Variants in TM2D1 observed in about 807,000 individuals in gnomAD.
TM2D1 encodes TM2 domain-containing protein 1.
A neutral mutation model predicts 28.4 loss-of-function variants in TM2D1; 15 were observed. That is an observed-to-expected ratio of 0.53 (90% CI 0.35 to 0.81). The LOEUF is 0.81. TM2D1 is among the 40% of genes least tolerant of loss of function. The pLI is 0.01. For missense variants in TM2D1, 236 were observed against 254.9 expected (o/e 0.93, Z 0.50); for synonymous variants, 93 against 96.2 (o/e 0.97, Z 0.20).
intron 6 of TM2D1, among the ~76,000 whole-genome samples, chr1:61,681,927 T>C (rs1644247924): frequency 6.6e-6 from 1 of 152,198 alleles, no homozygotes; most frequent in African/African-American, 2.4e-5. Flanking sequence ...ATTTTTTTCC[T>C]GGTAAGAAGA....
intron 3 of TM2D1, among the ~76,000 whole-genome samples, chr1:61,702,181 C>T (rs1008515346): frequency 2.0e-5 from 3 of 151,656 alleles, no homozygotes; most frequent in African/African-American, 7.3e-5. Flanking sequence ...CAGAGTGAGA[C>T]TCTGTCTCAA....
intron 4 of TM2D1, chr1:61,698,910 A>G (rs753689503): frequency 6.6e-6 from 1 of 152,192 alleles, no homozygotes; most frequent in African/African-American, 2.4e-5. Flanking sequence ...GATTTTGTCT[A>G]TAACTACTTT....
At chr1:61,708,816 A>G (rs1255802242) in intron 3 of TM2D1, among the ~76,000 whole-genome samples, 1 of 151,914 alleles carries the variant, frequency 6.6e-6, no homozygotes, top group Non-Finnish European at 1.5e-5. Context: ...TGTCCCACAT[A>G]CTGGACTACT....
chr1:61,716,212 G>T, intron 2 of TM2D1, among the ~76,000 whole-genome samples: 1 of 150,954 alleles, frequency 6.6e-6, no homozygotes, highest in Admixed American at 6.6e-5. Flanking sequence ...CTAGCTACTC[G>T]GGAAGCTGAG....
At chr1:61,706,203 TTTTTC>T (rs1341350896) in intron 3 of TM2D1, among the ~76,000 whole-genome samples, 2 of 152,162 alleles carry the variant, frequency 1.3e-5, no homozygotes, top group Non-Finnish European at 2.9e-5. Flanking sequence ...ATGCTCATTC[TTTTTC>T]TTTTATTTGT....
chr1:61,720,684 T>C (rs930047450), intron 2 of TM2D1, among the ~76,000 whole-genome samples: 1 of 152,304 alleles, frequency 6.6e-6, no homozygotes, highest in Non-Finnish European at 1.5e-5. Flanking sequence ...CAATATTTTG[T>C]AATATAAATT....
At chr1:61,710,883 C>G (rs72925676) in intron 2 of TM2D1, among the ~76,000 whole-genome samples, 2 of 152,152 alleles carry the variant, frequency 1.3e-5, no homozygotes, top group African/African-American at 2.4e-5. Flanking sequence ...CAAACAAACC[C>G]TATAATGACT....
At chr1:61,691,934 T>A (rs2787460) in intron 5 of TM2D1, among the ~76,000 whole-genome samples, 28,813 of 65,904 alleles carry the variant, frequency 0.44, 4,803 homozygotes, top group East Asian at 0.61. Flanking sequence ...AAAAAAAAAA[T>A]ATATATATAT....
chr1:61,690,475 A>C (rs1414912853), intron 5 of TM2D1, among the ~76,000 whole-genome samples: 5 of 151,194 alleles, frequency 3.3e-5, no homozygotes, highest in South Asian at 2.1e-4. Flanking sequence ...AAAAAAAAAA[A>C]AAAAAACACA....
At chr1:61,705,102 A>G (rs1009477017) in intron 3 of TM2D1, among the ~76,000 whole-genome samples, 2 of 152,206 alleles carry the variant, frequency 1.3e-5, no homozygotes, top group South Asian at 4.1e-4. Flanking sequence ...TTGGCTGGGA[A>G]GGGAAATGAA....
chr1:61,714,457 C>T (rs923466206), intron 2 of TM2D1, among the ~76,000 whole-genome samples: 1 of 152,050 alleles, frequency 6.6e-6, no homozygotes. Context: ...AGGAAAATTG[C>T]TTGGACCCGG....
chr1:61,691,932 A>AAAAAAAAAAAATATATATATATAT, intron 5 of TM2D1, among the ~76,000 whole-genome samples: 3 of 76,400 alleles, frequency 3.9e-5, no homozygotes, highest in East Asian at 4.7e-4. Context: ...AAAAAAAAAA[A>AAAAAAAAAAAATATATATATATAT]ATATATATAT....
At chr1:61,712,765 T>C (rs749977579) in intron 2 of TM2D1, among the ~76,000 whole-genome samples, 4 of 152,178 alleles carry the variant, frequency 2.6e-5, no homozygotes, top group Non-Finnish European at 5.9e-5. Flanking sequence ...CTCTTCAAAG[T>C]GGACTCTAAA....
intron 2 of TM2D1, among the ~76,000 whole-genome samples, chr1:61,722,147 G>A (rs1316946911): frequency 1.3e-5 from 2 of 151,728 alleles, no homozygotes; most frequent in Non-Finnish European, 2.9e-5. Flanking sequence ...TTAGCTGGGC[G>A]TGGTGACGCA....
Position 61,724,980 on chromosome 1 carries a change from C to G in TM2D1, c.141G>C (p.Lys47Asn). ...ATTGTCCCACTTTGAGGTCCTCGCA[C>G]TTAAGCGACTCCTCGCCCCCGGCGG... Reference protein sequence around the residue: ...ATSAGGEESLKCEDLKVGQYI... With the variant: ...ATSAGGEESLNCEDLKVGQYI... The change falls in exon 1 of 7, where the codon AAG (lysine) becomes AAC (asparagine). Residue 47 changes from lysine to asparagine, a missense_variant. Lys to Asn is a moderately conservative substitution (Grantham distance 94, BLOSUM62 0). Transcript: ENST00000606498. 6.2e-7 allele frequency: 1 copy of G among 1,605,814 alleles called. No homozygotes were observed. Among genetic ancestry groups the G allele is most frequent in the Non-Finnish European group, 8.5e-7 (1 of 1,173,456 alleles).
chr1:61,715,355 C>A (rs777725401), intron 2 of TM2D1, among the ~76,000 whole-genome samples: 3 of 151,964 alleles, frequency 2.0e-5, no homozygotes, highest in Non-Finnish European at 4.4e-5. Context: ...CTTTTATACT[C>A]CTGTTATATA....
At chr1:61,710,647 C>T (rs1644472342) in intron 2 of TM2D1, among the ~76,000 whole-genome samples, 1 of 151,354 alleles carries the variant, frequency 6.6e-6, no homozygotes, top group African/African-American at 2.4e-5. Context: ...AGTACTAATA[C>T]TTTTAGATTA....
chr1:61,718,589 AG>A (rs1434130930), intron 2 of TM2D1, among the ~76,000 whole-genome samples: 60 of 152,350 alleles, frequency 3.9e-4, no homozygotes, highest in Non-Finnish European at 7.3e-5. Flanking sequence ...ATAGTTGCAA[AG>A]AAAAAAATAC....
intron 3 of TM2D1, among the ~76,000 whole-genome samples, chr1:61,705,333 G>A (rs1027065018): frequency 5.3e-5 from 8 of 152,022 alleles, no homozygotes; most frequent in South Asian, 2.1e-4. Context: ...TTACAGGCAC[G>A]CACCACCATG....
Sources: allele counts gnomAD v4.1 joint callset (sites outside exome capture counted in the v4.1 genomes callset), GRCh38; gene constraint gnomAD v4.1.1; transcripts MANE v1.5; gene names NCBI Gene and HGNC (gene_info 2026-07-23, HGNC 2026-07-21).